TSHZ2: variants seen among roughly 807,000 people sequenced by gnomAD.
TSHZ2 encodes teashirt zinc finger homeobox 2.
TSHZ2 carries 21 observed loss-of-function variants against 74.4 expected under a neutral mutation model. The observed-to-expected ratio is 0.28, with a 90% CI of 0.20 to 0.41. The LOEUF is 0.41. TSHZ2 is among the 10% of genes least tolerant of loss of function. The probability of loss-of-function intolerance (pLI) is 1.00; values close to 1 mark genes in which losing one functional copy is unlikely to be tolerated. For synonymous variants in TSHZ2, 540 were observed against 515.3 expected (o/e 1.05, Z -0.65); for missense variants, 1,244 against 1,293.5 (o/e 0.96, Z 0.59).
intron 1 of TSHZ2, among the ~76,000 whole-genome samples, chr20:53,065,811 ATTC>A (rs1984966711): frequency 6.6e-6 from 1 of 152,200 alleles, no homozygotes; most frequent in Admixed American, 6.5e-5. Context: ...ACTGAATTAA[ATTC>A]TTATTATAAT....
chr20:53,221,215 G>T (rs550534319), intron 1 of TSHZ2, among the ~76,000 whole-genome samples: 1 of 130,592 alleles, frequency 7.7e-6, no homozygotes, highest in African/African-American at 2.5e-5. Context: ...TGCCATGATT[G>T]TGAGGCCCCC....
intron 2 of TSHZ2, among the ~76,000 whole-genome samples, chr20:53,485,221 T>C (rs1220776118): frequency 1.3e-5 from 2 of 151,860 alleles, no homozygotes; most frequent in African/African-American, 4.9e-5. Context: ...AAGATGTTCA[T>C]CATAGTGTTA....
At chr20:53,425,391 TGA>T (rs2145723860) in intron 2 of TSHZ2, among the ~76,000 whole-genome samples, 1 of 152,288 alleles carries the variant, frequency 6.6e-6, no homozygotes, top group South Asian at 2.1e-4. Context: ...CACAAAAGCA[TGA>T]GAGGGTCCAA....
At position 53,326,925 on chromosome 20, in the gene TSHZ2, G is replaced by A. The variant is rs559801274; in HGVS notation, c.*8+70354G>A. On this transcript the variant is annotated intron_variant, in intron 2 of 2. Transcript: ENST00000371497. ...TTCTCCGAGATGAAAATTAGGTCCC[G>A]TGATACATAAGTTCAGATGTCCCTG... is the stretch of plus-strand genomic sequence containing the variant. 1.6e-4 allele frequency among the ~76,000 whole-genome samples: 24 copies of A among 152,314 alleles called. No homozygotes were observed. The South Asian group carries it at 2.3e-3, about 14-fold the overall frequency.
intron 2 of TSHZ2, among the ~76,000 whole-genome samples, chr20:53,396,053 A>G (rs964779814): frequency 9.2e-5 from 14 of 152,172 alleles, no homozygotes; most frequent in African/African-American, 3.4e-4. Context: ...CTCCTGCCTC[A>G]GCCTCCCGAG....
chr20:53,362,184 G>GTT (rs1343481662), intron 2 of TSHZ2, among the ~76,000 whole-genome samples: 3 of 35,962 alleles, frequency 8.3e-5, no homozygotes, highest in Non-Finnish European at 1.9e-4. Flanking sequence ...ACAGTTTGTT[G>GTT]TTTTTTTGTT....
At chr20:53,318,938 A>T (rs1219383548) in intron 2 of TSHZ2, among the ~76,000 whole-genome samples, 1 of 152,230 alleles carries the variant, frequency 6.6e-6, no homozygotes, top group African/African-American at 2.4e-5. Context: ...GAGCAAAGGC[A>T]CATCTTACAT....
chr20:53,262,175 A>G (rs1990614841), intron 2 of TSHZ2, among the ~76,000 whole-genome samples: 1 of 152,150 alleles, frequency 6.6e-6, no homozygotes, highest in Non-Finnish European at 1.5e-5. Context: ...ACAGAGAAAA[A>G]GAAGTCATAA....
chr20:53,301,816 C>A (rs1978330695), intron 2 of TSHZ2, among the ~76,000 whole-genome samples: 1 of 152,188 alleles, frequency 6.6e-6, no homozygotes, highest in East Asian at 1.9e-4. Context: ...AGAAAATTCA[C>A]CTTCGTGGCA....
intron 1 of TSHZ2, among the ~76,000 whole-genome samples, chr20:53,009,457 G>A (rs1176707655): frequency 6.6e-6 from 1 of 152,164 alleles, no homozygotes; most frequent in African/African-American, 2.4e-5. Context: ...ACGTGATGAA[G>A]CGGGACAGCT....
intron 1 of TSHZ2, among the ~76,000 whole-genome samples, chr20:53,031,406 T>C (rs1011340180): frequency 5.3e-5 from 8 of 152,178 alleles, no homozygotes; most frequent in Non-Finnish European, 1.2e-4. Flanking sequence ...CAAAATGGCA[T>C]AAAAATTAGG....
At chr20:53,433,584 G>GAC (rs59162370) in intron 2 of TSHZ2, among the ~76,000 whole-genome samples, 23,588 of 136,966 alleles carry the variant, frequency 0.17, 2,140 homozygotes, top group Non-Finnish European at 0.22. Context: ...CAGACACACA[G>GAC]ACACACACAC....
chr20:53,296,746 C>G (rs1991388360), intron 2 of TSHZ2, among the ~76,000 whole-genome samples: 1 of 152,166 alleles, frequency 6.6e-6, no homozygotes, highest in Non-Finnish European at 1.5e-5. Flanking sequence ...TTATCTTTTC[C>G]CTGTTCAAGG....
chr20:53,071,800 G>A (rs1325949903), intron 1 of TSHZ2, among the ~76,000 whole-genome samples: 1 of 152,124 alleles, frequency 6.6e-6, no homozygotes, highest in Non-Finnish European at 1.5e-5. Context: ...GAATACCCCT[G>A]GAGAGTAGTA....
chr20:53,131,404 G>C (rs1987096745), intron 1 of TSHZ2, among the ~76,000 whole-genome samples: 1 of 152,186 alleles, frequency 6.6e-6, no homozygotes, highest in South Asian at 2.1e-4. Context: ...CTGCAATCTA[G>C]CTGGAGGCCA....
intron 1 of TSHZ2, among the ~76,000 whole-genome samples, chr20:53,069,489 C>G (rs927294323): frequency 5.3e-5 from 8 of 152,040 alleles, no homozygotes; most frequent in African/African-American, 1.9e-4. Context: ...ATCGGTAAAA[C>G]TACCATCTAC....
At chr20:53,240,341 C>T (rs1990035570) in intron 1 of TSHZ2, among the ~76,000 whole-genome samples, 1 of 152,108 alleles carries the variant, frequency 6.6e-6, no homozygotes, top group African/African-American at 2.4e-5. Context: ...ACCTCAGCCA[C>T]ACTTATTGGG....
intron 1 of TSHZ2, among the ~76,000 whole-genome samples, chr20:53,008,195 AAAAT>A (rs1427686522): frequency 6.6e-6 from 1 of 152,234 alleles, no homozygotes; most frequent in South Asian, 2.1e-4. Context: ...TATGAAGAAA[AAAAT>A]AAAGGGAAGA....
intron 1 of TSHZ2, among the ~76,000 whole-genome samples, chr20:53,029,134 G>T (rs1431684848): frequency 1.3e-5 from 2 of 152,112 alleles, no homozygotes; most frequent in Non-Finnish European, 2.9e-5. Flanking sequence ...TATTGTTCAG[G>T]TTTCTTGAGT....
Sources: allele counts gnomAD v4.1 joint callset (sites outside exome capture counted in the v4.1 genomes callset), GRCh38; gene constraint gnomAD v4.1.1; transcripts MANE v1.5; gene names NCBI Gene and HGNC (gene_info 2026-07-23, HGNC 2026-07-21).